APPL1: variants seen among roughly 807,000 people sequenced by gnomAD.
APPL1 encodes the protein DCC-interacting protein 13-alpha.
In APPL1, 42 loss-of-function variants were observed where a neutral mutation model predicts 106.8. The ratio of observed to expected loss-of-function variants is 0.39; its 90% CI spans 0.31 to 0.51. APPL1 has a LOEUF of 0.51. APPL1 is among the 20% of genes least tolerant of loss of function. The probability of loss-of-function intolerance (pLI) is 0.75; values close to 1 mark genes in which losing one functional copy is unlikely to be tolerated. For synonymous variants in APPL1, 263 were observed against 281.8 expected, an observed-to-expected ratio of 0.93 and a Z score of 0.67; for missense variants, 769 against 858.2, an observed-to-expected ratio of 0.90 and a Z score of 1.30.
At position 57,246,210 on chromosome 3, in the gene APPL1, C is replaced by CATGCAAGCTCAGGTAA. The variant is rs1559509494; in HGVS notation, c.612_621+6dup. The CATGCAAGCTCAGGTAA allele has an allele frequency of 6.3e-7, 1 of 1,598,934 alleles. No homozygotes were observed. Among genetic ancestry groups the CATGCAAGCTCAGGTAA allele is most frequent in the Non-Finnish European group, 8.5e-7 (1 of 1,175,024 alleles). On this transcript the variant is annotated frameshift_variant, in exon 8 of 22. Coordinates refer to ENST00000288266, the MANE Select transcript of APPL1 (RefSeq NM_012096.3). LOFTEE classifies it high-confidence loss of function. The stretch of plus-strand genomic sequence containing the variant: ...CATTGTTAGAACCTCTACTTGGGTA[C>CATGCAAGCTCAGGTAA]ATGCAAGCTCAGGTAAATACTGTAC...
At position 57,256,940 on chromosome 3, in the gene APPL1, TAAAAAAA is replaced by T; in HGVS notation, c.1153-16_1153-10del. 1 of 1,611,288 alleles carries T rather than the reference TAAAAAAA, an allele frequency of 6.2e-7. No homozygotes were observed. The highest frequency in any genetic ancestry group is 1.1e-5 in the South Asian group (1 of 90,914). ...TACTTTACTAATATTAGTCCTTTTTTAAAAAAATTGAAATAGGAAACTGCTGCACGAG... is the reference window on the plus strand; with the variant it reads ...TACTTTACTAATATTAGTCCTTTTTTTTGAAATAGGAAACTGCTGCACGAG... On this transcript the variant is annotated splice_polypyrimidine_tract_variant and intron_variant, in intron 13 of 21. Transcript: ENST00000288266.
intron 7 of APPL1, among the ~76,000 whole-genome samples, chr3:57,244,886 G>A (rs1413326892): frequency 1.3e-5 from 2 of 152,154 alleles, no homozygotes; most frequent in African/African-American, 4.8e-5. Flanking sequence ...AAAATGGAGA[G>A]GAAGGAGTAC....
Position 57,273,208 on chromosome 3 carries a change from T to TGTAA in APPL1, c.*3524_*3527dup, listed in dbSNP as rs879287669. The stretch of plus-strand genomic sequence containing the variant: ...CTTTGTATATTTGGTGATTTTGTAA[T>TGTAA]GTAAGTGAATTGATTCTTATTTCAC... On this transcript the variant is annotated 3_prime_UTR_variant, in exon 22 of 22. Transcript: ENST00000288266. 8.5e-5 allele frequency: 13 copies of TGTAA among 152,802 alleles called. No individual in the cohort carries two copies. Among genetic ancestry groups the TGTAA allele is most frequent in the Non-Finnish European group, 1.5e-4 (10 of 68,032 alleles). 9.5% of individuals were successfully genotyped at this position (152,802 alleles called of 1,614,324 possible).
rs928739477 is a variant in APPL1, at chr3:57,269,800, C to T, written c.*113C>T. ...AGGAGGAGATTAAGCTTTATATTTG[C>T]TTATTTGTTGTAGCTACATTTTAAA... On this transcript the variant is annotated 3_prime_UTR_variant, in exon 22 of 22. Transcript: ENST00000288266. 1.6e-6 allele frequency: 2 copies of T among 1,226,076 alleles called. No homozygotes were observed. The highest frequency in any genetic ancestry group is 1.5e-5 in the African/African-American group (1 of 65,812). The allele number at this position is 1,226,076 out of a possible 1,614,324, so 75.9% of individuals were successfully genotyped here. A position where few individuals can be genotyped will look rare whatever the true frequency, so the allele number is the denominator to read the frequency against.
chr3:57,256,940 TA>T lies in APPL1; in HGVS notation c.1153-10del. The T allele has an allele frequency of 1.9e-6, 3 of 1,611,284 alleles. No homozygotes were observed. Among genetic ancestry groups the T allele is most frequent in the Non-Finnish European group, 2.5e-6 (3 of 1,177,946 alleles). ...TACTTTACTAATATTAGTCCTTTTTTAAAAAAATTGAAATAGGAAACTGCTG... is the reference window on the plus strand; with the variant it reads ...TACTTTACTAATATTAGTCCTTTTTTAAAAAATTGAAATAGGAAACTGCTG... On this transcript the variant is annotated splice_polypyrimidine_tract_variant and intron_variant, in intron 13 of 21. Coordinates refer to ENST00000288266, the MANE Select transcript of APPL1 (RefSeq NM_012096.3).
intron 1 of APPL1, among the ~76,000 whole-genome samples, chr3:57,231,746 T>C (rs2060688031): frequency 6.6e-6 from 1 of 150,572 alleles, no homozygotes; most frequent in African/African-American, 2.5e-5. Flanking sequence ...AGTCTGTGGC[T>C]GCAGTGAGCT....
At chr3:57,252,818 A>G (rs886782105) in intron 12 of APPL1, among the ~76,000 whole-genome samples, 3 of 152,228 alleles carry the variant, frequency 2.0e-5, no homozygotes, top group African/African-American at 7.2e-5. Context: ...TATATCAGAT[A>G]TGGAAGGTAA....
At chr3:57,253,940 A>G (rs2060819937) in intron 13 of APPL1, among the ~76,000 whole-genome samples, 1 of 146,494 alleles carries the variant, frequency 6.8e-6, no homozygotes, top group Non-Finnish European at 1.5e-5. Flanking sequence ...TTTGTTCACT[A>G]CAACCTCCAC....
intron 6 of APPL1, 86 bp from the exon 7 acceptor site, chr3:57,242,770 A>T: frequency 2.0e-6 from 2 of 978,588 alleles, no homozygotes; most frequent in Non-Finnish European, 3.2e-6. Context: ...ACGTTTGTGG[A>T]AAGGTGCACA....
chr3:57,263,760 CTGT>C (rs2060880331), intron 19 of APPL1, among the ~76,000 whole-genome samples: 1 of 146,904 alleles, frequency 6.8e-6, no homozygotes, highest in Non-Finnish European at 1.5e-5. Context: ...ATCCATTCAT[CTGT>C]TGTTTTTTTT....
chr3:57,241,645 C>T (rs1328381518), intron 5 of APPL1, among the ~76,000 whole-genome samples: 1 of 152,130 alleles, frequency 6.6e-6, no homozygotes, highest in Non-Finnish European at 1.5e-5. Context: ...GATGGAGTTA[C>T]TAATTGTGGT....
At chr3:57,237,929 A>G (rs1043228859) in intron 3 of APPL1, 116 bp from the exon 4 acceptor site, 44 of 707,812 alleles carry the variant, frequency 6.2e-5, no homozygotes, top group Middle Eastern at 3.8e-4. Context: ...GATATTTTAG[A>G]GCTTTTTCAA....
At chr3:57,242,813 G>GA in intron 6 of APPL1, 43 bp from the exon 7 acceptor site, 2 of 1,465,778 alleles carry the variant, frequency 1.4e-6, no homozygotes. Flanking sequence ...TGTAAGTTTT[G>GA]AAAAGTACTG....
Position 57,240,525 on chromosome 3 carries a change from A to T in APPL1, c.346A>T (p.Thr116Ser), listed in dbSNP as rs760903564. ...QLADAMMFPI[T>S]QFKERDLKEI... ...TGCTGATGCCATGATGTTCCCCATTACCCAGTTTAAAGAAAGAGATCTGAA... is the reference window on the plus strand; with the variant it reads ...TGCTGATGCCATGATGTTCCCCATTTCCCAGTTTAAAGAAAGAGATCTGAA... The change falls in exon 5 of 22, where the codon ACC becomes TCC. Residue 116 changes from threonine (T) to serine (S), a missense_variant. Thr to Ser is a moderately conservative substitution (Grantham distance 58, BLOSUM62 1). Coordinates refer to ENST00000288266, the MANE Select transcript of APPL1 (RefSeq NM_012096.3). The T allele has an allele frequency of 8.1e-6, 13 of 1,613,814 alleles. No individual in the cohort carries two copies. The highest frequency in any genetic ancestry group is 1.1e-5 in the Non-Finnish European group (13 of 1,179,802).
At chr3:57,250,572 T>C (rs1382153502) in intron 11 of APPL1, among the ~76,000 whole-genome samples, 1 of 152,198 alleles carries the variant, frequency 6.6e-6, no homozygotes, top group Non-Finnish European at 1.5e-5. Flanking sequence ...AATTAACTTT[T>C]TTGTCCATTG....
chr3:57,232,229 C>T (rs1001065850), intron 1 of APPL1, among the ~76,000 whole-genome samples: 1 of 152,114 alleles, frequency 6.6e-6, no homozygotes, highest in African/African-American at 2.4e-5. Context: ...TGAAGACAAA[C>T]CCCAGTCCCA....
Position 57,240,558 on chromosome 3 carries a change from G to A in APPL1, c.373+6G>A, listed in dbSNP as rs1393195657. The A allele has an allele frequency of 1.9e-6, 3 of 1,609,664 alleles. No individual in the cohort carries two copies. The highest frequency in any genetic ancestry group is 1.7e-5 in the Admixed American group (1 of 59,992). On this transcript the variant is annotated splice_donor_region_variant and intron_variant, in intron 5 of 21. Transcript: ENST00000288266. ...TAAAGAAAGAGATCTGAAAGGTATT[G>A]AAGTCAAGCTTATGTTTACTTTCAT...
At chr3:57,232,774 G>A (rs887758880) in intron 1 of APPL1, among the ~76,000 whole-genome samples, 1 of 152,038 alleles carries the variant, frequency 6.6e-6, no homozygotes, top group African/African-American at 2.4e-5. Context: ...AGGCCGAGGC[G>A]GGCAGATCAC....
chr3:57,263,234 TCC>T (rs1193271919), intron 19 of APPL1, among the ~76,000 whole-genome samples: 1 of 152,182 alleles, frequency 6.6e-6, no homozygotes, highest in Non-Finnish European at 1.5e-5. Flanking sequence ...AATGGAGTAT[TCC>T]TTCCCTTAAG....
Sources: allele counts gnomAD v4.1 joint callset (sites outside exome capture counted in the v4.1 genomes callset), GRCh38; gene constraint gnomAD v4.1.1; transcripts MANE v1.5; gene names NCBI Gene and HGNC (gene_info 2026-07-23, HGNC 2026-07-21).